Variants in OTULINL observed in about 807,000 individuals in gnomAD.
OTULINL encodes the protein inactive ubiquitin thioesterase OTULINL.
A neutral mutation model predicts 43.9 loss-of-function variants in OTULINL; 42 were observed. The ratio of observed to expected loss-of-function variants is 0.96; its 90% CI spans 0.75 to 1.24. The LOEUF is 1.24. Among genes scored for constraint, OTULINL ranks in the 50% most tolerant of loss-of-function variants. The pLI is 0.00. For synonymous variants in OTULINL, 172 were observed against 153.6 expected (o/e 1.12, Z -0.88); for missense variants, 411 against 426.4 (o/e 0.96, Z 0.32).
chr5:14,591,921 C>T (rs1430265504), intron 1 of OTULINL, among the ~76,000 whole-genome samples: 1 of 152,130 alleles, frequency 6.6e-6, no homozygotes, highest in East Asian at 1.9e-4. Context: ...AAGAATACCA[C>T]TTCCTGACAT....
rs1759564057 is a variant in OTULINL at position 14,610,479 on chromosome 5, T to C, written c.*165T>C. 5.9e-6 allele frequency: 4 copies of C among 680,698 alleles called. No individual in the cohort carries two copies. The Admixed American group carries it at 9.0e-5, about 15-fold the overall frequency. The allele number at this position is 680,698 out of a possible 1,614,324, so 42.2% of individuals were successfully genotyped here. ...CAGCCATGCATGGATGGTTTTTCTT[T>C]ATTTTTCAGTGATTTCCTCTGAAGC... On this transcript the variant is annotated 3_prime_UTR_variant, in exon 8 of 8. Transcript: ENST00000274217.
intron 5 of OTULINL, among the ~76,000 whole-genome samples, chr5:14,606,851 G>C: frequency 6.6e-6 from 1 of 152,230 alleles, no homozygotes; most frequent in East Asian, 1.9e-4. Flanking sequence ...AGAATATGAT[G>C]TAAAAATAAC....
chr5:14,602,408 C>T, intron 5 of OTULINL, 76 bp downstream of exon 5: 1 of 1,377,940 alleles, frequency 7.3e-7, no homozygotes, highest in Admixed American at 2.0e-5. Flanking sequence ...TCTTTGGGGG[C>T]TTTGTACTCA....
intron 1 of OTULINL, among the ~76,000 whole-genome samples, chr5:14,594,236 T>C (rs1759250812): frequency 1.3e-5 from 2 of 152,228 alleles, no homozygotes; most frequent in African/African-American, 2.4e-5. Context: ...CTCTTGAATC[T>C]CCATGTGCTC....
chr5:14,593,252 A>G (rs1002995736), intron 1 of OTULINL, among the ~76,000 whole-genome samples: 4 of 152,260 alleles, frequency 2.6e-5, no homozygotes, highest in African/African-American at 9.6e-5. Context: ...GCGAGTTGCC[A>G]GCCGAGAGGT....
intron 1 of OTULINL, among the ~76,000 whole-genome samples, chr5:14,591,889 A>G (rs1310172377): frequency 2.1e-4 from 32 of 152,114 alleles, no homozygotes; most frequent in Non-Finnish European, 1.5e-5. Flanking sequence ...TTCCATTTTT[A>G]AATGGTTGGG....
At position 14,581,855 on chromosome 5, in the gene OTULINL, C is replaced by T. The variant is rs910009485; in HGVS notation, c.-40C>T. On this transcript the variant is annotated 5_prime_UTR_variant, in exon 1 of 8. Transcript: ENST00000274217. ...TCGCGTCTGACAGACCACTGCAGAC[C>T]ACGGGCCGAGGCCCAGCGCCCGTCC... 1.3e-5 allele frequency: 18 copies of T among 1,383,086 alleles called. No homozygotes were observed. Among genetic ancestry groups the T allele is most frequent in the Admixed American group, 3.1e-5 (1 of 31,986 alleles). 85.7% of individuals were successfully genotyped at this position (1,383,086 alleles called of 1,614,324 possible).
intron 1 of OTULINL, among the ~76,000 whole-genome samples, chr5:14,599,257 G>A (rs547338190): frequency 6.6e-6 from 1 of 152,324 alleles, no homozygotes; most frequent in Admixed American, 6.5e-5. Context: ...GGGAGGCTGA[G>A]GTGGGCGGGT....
At chr5:14,601,517 C>G in intron 4 of OTULINL, 75 bp downstream of exon 4, 1 of 1,320,098 alleles carries the variant, frequency 7.6e-7, no homozygotes, top group Non-Finnish European at 1.1e-6. Context: ...TTCCCTTCTG[C>G]TTTACTAAAT....
Position 14,614,128 on chromosome 5 carries a change from C to T in OTULINL, c.*3814C>T, listed in dbSNP as rs1404194568. Among the ~76,000 whole-genome samples, 1 of 152,076 alleles carries T rather than the reference C, an allele frequency of 6.6e-6. No homozygotes were observed. Among genetic ancestry groups the T allele is most frequent in the East Asian group, 1.9e-4 (1 of 5,194 alleles). ...TCTCTTAAATAGCAAATTTCTAAAGCTGTATGATTCTCTTTGCAAGAATGT... is the reference window on the plus strand; with the variant it reads ...TCTCTTAAATAGCAAATTTCTAAAGTTGTATGATTCTCTTTGCAAGAATGT... On this transcript the variant is annotated 3_prime_UTR_variant, in exon 8 of 8. Coordinates refer to ENST00000274217, the MANE Select transcript of OTULINL (RefSeq NM_019018.3).
Position 14,608,728 on chromosome 5 carries a change from A to G in OTULINL, c.628-20A>G. ...CTTCACCTTTATCCTTCTGAATTTC[A>G]CTTTTACATCTGTTTTTAGTGGACT... On this transcript the variant is annotated intron_variant, in intron 6 of 7. Transcript: ENST00000274217. 6.4e-7 allele frequency: 1 copy of G among 1,574,790 alleles called. No individual in the cohort carries two copies. The highest frequency in any genetic ancestry group is 8.7e-7 in the Non-Finnish European group (1 of 1,155,786).
At chr5:14,600,908 G>T in intron 1 of OTULINL, 57 bp from the exon 2 acceptor site, 2 of 1,324,196 alleles carry the variant, frequency 1.5e-6, no homozygotes, top group Non-Finnish European at 9.7e-7. Context: ...TTCTCTTAAA[G>T]CAAACTTGTG....
At chr5:14,582,089 C>T (rs928218842) in intron 1 of OTULINL, 131 bp downstream of exon 1, 17 of 631,094 alleles carry the variant, frequency 2.7e-5, no homozygotes, top group Non-Finnish European at 3.3e-5. Context: ...GCTGGGAATC[C>T]TGGAGCCCGG....
chr5:14,589,486 A>G (rs1281556693), intron 1 of OTULINL, among the ~76,000 whole-genome samples: 3 of 152,088 alleles, frequency 2.0e-5, no homozygotes, highest in Non-Finnish European at 4.4e-5. Context: ...GGGTCAGACC[A>G]TGAGGGGGAC....
rs1277353326 is a variant in OTULINL, at chr5:14,612,214, G to A, written c.*1900G>A. On this transcript the variant is annotated 3_prime_UTR_variant, in exon 8 of 8. Transcript: ENST00000274217. Reference sequence around the variant, plus strand: ...CCTTTCTGGTGACAGCCTGCCATGGGCTGCTGTGGCTGATACTTATAGAAT... The same window carrying A: ...CCTTTCTGGTGACAGCCTGCCATGGACTGCTGTGGCTGATACTTATAGAAT... 1 of 152,276 alleles carries A rather than the reference G, an allele frequency of 6.6e-6. No homozygotes were observed. The highest frequency in any genetic ancestry group is 1.5e-5 in the Non-Finnish European group (1 of 68,068). 9.4% of individuals were successfully genotyped at this position (152,276 alleles called of 1,614,324 possible).
intron 1 of OTULINL, among the ~76,000 whole-genome samples, chr5:14,585,376 A>G (rs1040848325): frequency 3.3e-5 from 5 of 152,176 alleles, no homozygotes; most frequent in Non-Finnish European, 7.3e-5. Flanking sequence ...CATTTGTCCT[A>G]TTGTACTTCT....
At chr5:14,608,391 C>G in intron 6 of OTULINL, among the ~76,000 whole-genome samples, 1 of 152,128 alleles carries the variant, frequency 6.6e-6, no homozygotes, top group East Asian at 1.9e-4. Context: ...GGTGTGTCTT[C>G]ACATAGTGGA....
chr5:14,588,071 G>A (rs1579915150), intron 1 of OTULINL, among the ~76,000 whole-genome samples: 2 of 152,078 alleles, frequency 1.3e-5, no homozygotes, highest in South Asian at 4.1e-4. Context: ...AAGGGTCGGG[G>A]TATTTGCTGG....
intron 5 of OTULINL, among the ~76,000 whole-genome samples, chr5:14,606,185 A>G (rs1030683488): frequency 6.6e-6 from 1 of 152,166 alleles, no homozygotes; most frequent in Admixed American, 6.5e-5. Context: ...GTCACATTTT[A>G]TGTGGTTGGT....
Sources: gnomAD v4.1 joint callset for allele counts (sites outside exome capture counted in the v4.1 genomes callset) on GRCh38, gnomAD v4.1.1 for gene constraint, MANE v1.5 for transcripts, NCBI Gene and HGNC (gene_info 2026-07-23, HGNC 2026-07-21) for gene names.